Variants in PFKL observed in about 807,000 individuals in gnomAD.
PFKL encodes phosphofructokinase, liver type.
PFKL carries 74 observed loss-of-function variants against 92.1 expected under a neutral mutation model. The observed-to-expected ratio is 0.80, with a 90% CI of 0.67 to 0.97. The LOEUF (loss-of-function observed/expected upper bound fraction) is 0.97. PFKL is among the 50% of genes least tolerant of loss of function. The pLI, the probability that PFKL is intolerant of heterozygous loss-of-function variation, is 0.00. For missense variants in PFKL, 1,028 were observed against 1,116.6 expected, an observed-to-expected ratio of 0.92 and a Z score of 1.13; for synonymous variants, 494 against 456.4, an observed-to-expected ratio of 1.08 and a Z score of -1.05.
At position 44,318,536 on chromosome 21, in the gene PFKL, G is replaced by A. The variant is rs756530116; in HGVS notation, c.1003G>A (p.Val335Met). 1.1e-5 allele frequency: 18 copies of A among 1,580,562 alleles called. No individual in the cohort carries two copies. In the African/African-American group the frequency reaches 1.6e-4, roughly 14 times the overall value. ...AGCCACGCCTGACACGCCGGCCTGC[G>A]TGGTCACCCTCTCGGGGAACCAGTC... ...LEATPDTPAC[V>M]VTLSGNQSVR... Residue 335 changes from valine to methionine, a missense_variant, in exon 10 of 22, where the codon GTG (valine) becomes ATG (methionine). By Grantham distance (21) the Val-to-Met change is conservative. Transcript: ENST00000349048.
At chr21:44,305,443 A>G (rs754351267) in intron 1 of PFKL, 2 of 971,906 alleles carry the variant, frequency 2.1e-6, no homozygotes, top group Non-Finnish European at 3.0e-6. Context: ...CTCTGCAAGT[A>G]CAGGGGGGTG....
rs776117058 is a variant in PFKL, at chr21:44,325,195, C to G, written c.1920C>G (p.Tyr640Ter). The G allele has an allele frequency of 6.2e-7, 1 of 1,613,006 alleles. No homozygotes were observed. The highest frequency in any genetic ancestry group is 8.5e-7 in the Non-Finnish European group (1 of 1,179,692). The change falls in exon 19 of 22, where the codon TAC (tyrosine) becomes TAG (stop). Residue 640 changes from tyrosine to a stop codon, truncating the protein, a stop_gained. Transcript: ENST00000349048. LOFTEE classifies it high-confidence loss of function. Reference sequence around the variant, plus strand: ...ACTACTACACCACGGAGTTCCTGTACAACCTGTACTCATCAGAGGGCAAGG... The same window carrying G: ...ACTACTACACCACGGAGTTCCTGTAGAACCTGTACTCATCAGAGGGCAAGG... ...CHDYYTTEFL[Y>*]NLYSSEGKGV...
chr21:44,304,705 G>C (rs1342295633), intron 1 of PFKL, among the ~76,000 whole-genome samples: 2 of 126,742 alleles, frequency 1.6e-5, no homozygotes, highest in Admixed American at 8.6e-5. Context: ...GGGCTCGGCT[G>C]TCTGTCTCGG....
chr21:44,314,721 C>T (rs1286035043), intron 7 of PFKL: 1 of 152,288 alleles, frequency 6.6e-6, no homozygotes. Context: ...GACCCTGAGA[C>T]CCCTCAACTG....
chr21:44,324,175 C>T (rs1188237986), intron 16 of PFKL, among the ~76,000 whole-genome samples: 1 of 152,152 alleles, frequency 6.6e-6, no homozygotes, highest in Non-Finnish European at 1.5e-5. Flanking sequence ...TGTCCCTGCG[C>T]CCCAGTGCTG....
At chr21:44,325,742 C>T (rs571705534) in intron 19 of PFKL, 7 of 570,150 alleles carry the variant, frequency 1.2e-5, no homozygotes, top group Non-Finnish European at 2.2e-5. Context: ...GGGCAGCCGA[C>T]TGCCGGCCTC....
intron 18 of PFKL, 39 bp downstream of exon 18, chr21:44,324,956 C>G (rs1200623249): frequency 1.3e-6 from 2 of 1,555,708 alleles, no homozygotes; most frequent in Non-Finnish European, 1.8e-6. Flanking sequence ...GCTGCGCGTC[C>G]AACTCTCGGG....
chr21:44,313,057 C>T lies in PFKL; in HGVS notation c.507C>T (p.Phe169=), dbSNP rs2047095764. 4 of 1,613,090 alleles carry T rather than the reference C, an allele frequency of 2.5e-6. No individual in the cohort carries two copies. The highest frequency in any genetic ancestry group is 1.3e-5 in the African/African-American group (1 of 74,922). Residue 169 remains phenylalanine (F), a synonymous_variant, in exon 5 of 22, where the codon TTC becomes TTT. Transcript: ENST00000349048. ...TAGTGGGCTCCATCGATAACGACTT[C>T]TGCGGCACCGACATGACCATCGGCA... ...AGLVGSIDND[F]CGTDMTIGTD...
intron 1 of PFKL, among the ~76,000 whole-genome samples, chr21:44,306,278 A>G (rs924392704): frequency 7.2e-5 from 11 of 152,140 alleles, no homozygotes; most frequent in Admixed American, 4.6e-4. Flanking sequence ...ACACCCACAC[A>G]TGCCTGATTG....
chr21:44,305,395 G>C (rs1384570780), intron 1 of PFKL: 2 of 1,363,964 alleles, frequency 1.5e-6, no homozygotes, highest in Non-Finnish European at 9.8e-7. Context: ...AGCTGCCGAG[G>C]CTTGAGCAGG....
chr21:44,326,938 T>C lies in PFKL; in HGVS notation c.*76T>C. On this transcript the variant is annotated 3_prime_UTR_variant, in exon 22 of 22. Coordinates refer to ENST00000349048, the MANE Select transcript of PFKL (RefSeq NM_002626.6). The stretch of plus-strand genomic sequence containing the variant: ...GCCAGGGCTCAGATGGGGCCTGGGC[T>C]GTTGTGTCTGGAGCCTGCAGGCAGG... 7.3e-7 allele frequency: 1 copy of C among 1,377,740 alleles called. No individual in the cohort carries two copies. The allele number at this position is 1,377,740 out of a possible 1,614,324, so 85.3% of individuals were successfully genotyped here. A position where few individuals can be genotyped will look rare whatever the true frequency, so the allele number is the denominator to read the frequency against.
rs761482978 is a variant in PFKL, at chr21:44,325,214, G to A, written c.1939G>A (p.Gly647Ser). The stretch of plus-strand genomic sequence containing the variant: ...CCTGTACAACCTGTACTCATCAGAG[G>A]GCAAGGGCGTCTTCGACTGCAGGAC... Reference protein sequence around the residue: ...EFLYNLYSSEGKGVFDCRTNV... With the variant: ...EFLYNLYSSESKGVFDCRTNV... Residue 647 changes from glycine to serine, a missense_variant, in exon 19 of 22, where the codon GGC becomes AGC. Physicochemically the swap from Gly to Ser is moderately conservative, Grantham distance 56. Coordinates refer to ENST00000349048, the MANE Select transcript of PFKL (RefSeq NM_002626.6). The A allele has an allele frequency of 8.7e-6, 14 of 1,613,318 alleles. No individual in the cohort carries two copies. Among genetic ancestry groups the A allele is most frequent in the African/African-American group, 1.3e-5 (1 of 75,046 alleles).
At position 44,311,988 on chromosome 21, in the gene PFKL, C is replaced by T. The variant is rs1310546611; in HGVS notation, c.238-117C>T. 9 of 802,084 alleles carry T rather than the reference C, an allele frequency of 1.1e-5. No homozygotes were observed. The East Asian group carries it at 2.7e-4, about 24-fold the overall frequency. The allele number at this position is 802,084 out of a possible 1,614,324, so 49.7% of individuals were successfully genotyped here. A position where few individuals can be genotyped will look rare whatever the true frequency, so the allele number is the denominator to read the frequency against. Reference sequence around the variant, plus strand: ...TCCAGAGACCCCGGGGCTTCTGCCTCTCACTCTGCAGGGTCTGCCAGCCCC... The same window carrying T: ...TCCAGAGACCCCGGGGCTTCTGCCTTTCACTCTGCAGGGTCTGCCAGCCCC... On this transcript the variant is annotated intron_variant, in intron 3 of 21. Coordinates refer to ENST00000349048, the MANE Select transcript of PFKL (RefSeq NM_002626.6).
chr21:44,316,758 AGTGTGGGTGT>A (rs1208658221), intron 9 of PFKL, among the ~76,000 whole-genome samples: 3 of 151,342 alleles, frequency 2.0e-5, no homozygotes, highest in African/African-American at 7.3e-5. Context: ...GGTGTGTGTC[AGTGTGGGTGT>A]GTGTGGGTGT....
chr21:44,308,505 C>A (rs2146437990), intron 2 of PFKL, among the ~76,000 whole-genome samples: 1 of 151,902 alleles, frequency 6.6e-6, no homozygotes, highest in Non-Finnish European at 1.5e-5. Flanking sequence ...GCTGACCTGC[C>A]CTCCTCCCAG....
chr21:44,314,071 G>T (rs1343988462), intron 7 of PFKL, 50 bp downstream of exon 7: 3 of 1,321,754 alleles, frequency 2.3e-6, no homozygotes, highest in Non-Finnish European at 2.1e-6. Context: ...GGTGCACTGG[G>T]TAGCGCCCCT....
At chr21:44,304,252 T>TGGGGCCCCTTTGCCGTTCCC in intron 1 of PFKL, 1 of 1,289,208 alleles carries the variant, frequency 7.8e-7, no homozygotes, top group Non-Finnish European at 1.0e-6. Flanking sequence ...CCCCTGATCC[T>TGGGGCCCCTTTGCCGTTCCC]GGGGCCCCTT....
chr21:44,326,802 C>CG lies in PFKL; in HGVS notation c.2284dup (p.Val762GlyfsTer81). 1.9e-6 allele frequency: 3 copies of CG among 1,607,982 alleles called. No individual in the cohort carries two copies. Among genetic ancestry groups the CG allele is most frequent in the Non-Finnish European group, 2.5e-6 (3 of 1,177,632 alleles). On this transcript the variant is annotated frameshift_variant, in exon 22 of 22. Coordinates refer to ENST00000349048, the MANE Select transcript of PFKL (RefSeq NM_002626.6). LOFTEE classifies it high-confidence loss of function. ...AATACCGCATCAGTATGGCCGCCTA[C>CG]GTGTCAGGGGAGCTGGAGCACGTGA...
Position 44,321,766 on chromosome 21 carries a change from C to T in PFKL, c.1229C>T (p.Pro410Leu), listed in dbSNP as rs749324604. 3.1e-6 allele frequency: 5 copies of T among 1,594,784 alleles called. No homozygotes were observed. The highest frequency in any genetic ancestry group is 1.1e-5 in the South Asian group (1 of 88,544). Residue 410 changes from proline (P) to leucine (L), a missense_variant, in exon 13 of 22, where the codon CCG (proline) becomes CTG (leucine). Coordinates refer to ENST00000349048, the MANE Select transcript of PFKL (RefSeq NM_002626.6). Reference protein sequence around the residue: ...FSLAILNVGAPAAGMNAAVRS... With the variant: ...FSLAILNVGALAAGMNAAVRS... ...CTGGCCATCCTGAATGTGGGGGCCC[C>T]GGCGGCTGGCATGAATGCGGCCGTG...
Sources: gnomAD v4.1 joint callset for allele counts (sites outside exome capture counted in the v4.1 genomes callset) on GRCh38, gnomAD v4.1.1 for gene constraint, MANE v1.5 for transcripts, NCBI Gene and HGNC (gene_info 2026-07-23, HGNC 2026-07-21) for gene names.